ABLIM1: variants seen among roughly 807,000 people sequenced by gnomAD.
The protein encoded by ABLIM1 is actin binding LIM protein 1.
A neutral mutation model predicts 107.0 loss-of-function variants in ABLIM1; 40 were observed. The ratio of observed to expected loss-of-function variants is 0.37; its 90% CI spans 0.29 to 0.49. The LOEUF is 0.49. Among genes scored for constraint, ABLIM1 ranks in the 20% least tolerant of loss-of-function variants. The pLI is 0.97. For synonymous variants in ABLIM1, 357 were observed against 357.3 expected (o/e 1.00, Z 0.01); for missense variants, 857 against 1,008.5 (o/e 0.85, Z 2.04).
intron 1 of ABLIM1, among the ~76,000 whole-genome samples, chr10:114,651,402 G>T (rs11196832): frequency 0.082 from 12,413 of 152,114 alleles, 982 homozygotes; most frequent in East Asian, 0.44. Context: ...AGATCAGGCC[G>T]GCCCAGAGGA....
intron 6 of ABLIM1, among the ~76,000 whole-genome samples, chr10:114,526,455 T>TC (rs1341040847): frequency 6.6e-6 from 1 of 152,176 alleles, no homozygotes; most frequent in African/African-American, 2.4e-5. Flanking sequence ...GAACAAAAGC[T>TC]CCTGTCGTTT....
rs188505387 is a variant in ABLIM1 at position 114,559,886 on chromosome 10, T to C, written c.673+11411A>G. On this transcript the variant is annotated intron_variant, in intron 4 of 22. Coordinates refer to ENST00000533213, the MANE Select transcript of ABLIM1 (RefSeq NM_002313.7). ...CCTCTGCTCAAATTATGGCCAGCAATAGAGCAGAAGAAAAGCAGTAGAGAA... is the reference window on the plus strand; with the variant it reads ...CCTCTGCTCAAATTATGGCCAGCAACAGAGCAGAAGAAAAGCAGTAGAGAA... 1.9e-3 allele frequency among the ~76,000 whole-genome samples: 292 copies of C among 152,124 alleles called. 2 individuals carry two copies. Among genetic ancestry groups the C allele is most frequent in the African/African-American group, 6.7e-3 (276 of 41,472 alleles).
At chr10:114,699,265 G>A (rs981305442) in intron 1 of ABLIM1, among the ~76,000 whole-genome samples, 3 of 152,018 alleles carry the variant, frequency 2.0e-5, no homozygotes, top group African/African-American at 4.8e-5. Context: ...CTTTAATAAT[G>A]CTTAAACATG....
At chr10:114,639,162 C>T (rs1306693304) in intron 1 of ABLIM1, among the ~76,000 whole-genome samples, 1 of 152,160 alleles carries the variant, frequency 6.6e-6, no homozygotes, top group Non-Finnish European at 1.5e-5. Context: ...ATCGGAGGAA[C>T]TAGCCAAGTA....
Position 114,488,665 on chromosome 10 carries a change from T to C in ABLIM1, c.983-649A>G, listed in dbSNP as rs570689322. ...TAACTATTTAGGTGTTATTTTCTGTTCCTGAGTCAACAGTCTCACTTTCTC... is the reference window on the plus strand; with the variant it reads ...TAACTATTTAGGTGTTATTTTCTGTCCCTGAGTCAACAGTCTCACTTTCTC... On this transcript the variant is annotated intron_variant, in intron 7 of 22. Coordinates refer to ENST00000533213, the MANE Select transcript of ABLIM1 (RefSeq NM_002313.7). 3.3e-5 allele frequency among the ~76,000 whole-genome samples: 5 copies of C among 152,368 alleles called. No homozygotes were observed. The East Asian group carries it at 9.6e-4, about 29-fold the overall frequency.
chr10:114,690,487 G>C lies in ABLIM1; in HGVS notation c.-213+77574C>G. ...AACCCTGGAATAATTCTGTGAAAGC[G>C]GGAGCCCTTACAACCAAATCCTTTC... On this transcript the variant is annotated intron_variant, in intron 1 of 15. Transcript: ENST00000651092. 1.9e-6 allele frequency: 3 copies of C among 1,565,224 alleles called. No homozygotes were observed. In the South Asian group the frequency reaches 3.3e-5, roughly 17 times the overall value.
At chr10:114,645,716 C>G (rs574149302) in intron 1 of ABLIM1, among the ~76,000 whole-genome samples, 1 of 152,160 alleles carries the variant, frequency 6.6e-6, no homozygotes, top group Non-Finnish European at 1.5e-5. Flanking sequence ...ACACAGACTA[C>G]GCCAAAGTAC....
intron 14 of ABLIM1, among the ~76,000 whole-genome samples, chr10:114,449,389 C>A (rs531831815): frequency 6.6e-6 from 1 of 152,142 alleles, no homozygotes; most frequent in African/African-American, 2.4e-5. Context: ...TTTCGGGTAA[C>A]CTTCTGGGTC....
intron 1 of ABLIM1, among the ~76,000 whole-genome samples, chr10:114,680,002 C>T (rs2080675924): frequency 6.6e-6 from 1 of 152,110 alleles, no homozygotes; most frequent in African/African-American, 2.4e-5. Flanking sequence ...CAATGAAAGC[C>T]TATTCTTACA....
intron 1 of ABLIM1, among the ~76,000 whole-genome samples, chr10:114,741,171 C>T (rs2082279106): frequency 6.7e-6 from 1 of 150,252 alleles, no homozygotes; most frequent in South Asian, 2.1e-4. Flanking sequence ...ATTTACAAGT[C>T]ACCCTAAAGA....
At chr10:114,659,489 G>A (rs2079687101), upstream of ABLIM1, among the ~76,000 whole-genome samples, 1 of 152,104 alleles carries the variant, frequency 6.6e-6, no homozygotes, top group African/African-American at 2.4e-5. Context: ...TGTACTCCTA[G>A]GTGACCGGGC....
chr10:114,490,250 C>T (rs1040270018), intron 7 of ABLIM1, among the ~76,000 whole-genome samples: 1 of 152,160 alleles, frequency 6.6e-6, no homozygotes, highest in Admixed American at 6.5e-5. Context: ...TGTCACTTGC[C>T]TTCATAAGGC....
intron 6 of ABLIM1, among the ~76,000 whole-genome samples, chr10:114,504,477 T>C (rs2060859854): frequency 6.6e-6 from 1 of 152,210 alleles, no homozygotes; most frequent in African/African-American, 2.4e-5. Context: ...TTTCCTTCCA[T>C]AAATTATCAT....
intron 7 of ABLIM1, 106 bp from the exon 8 acceptor site, chr10:114,488,122 G>A: frequency 5.0e-6 from 6 of 1,205,402 alleles, no homozygotes; most frequent in Non-Finnish European, 7.4e-6. Context: ...CCCCATCATA[G>A]GAAGGTGTTA....
chr10:114,740,668 A>T (rs2082268063), intron 1 of ABLIM1, among the ~76,000 whole-genome samples: 1 of 152,156 alleles, frequency 6.6e-6, no homozygotes, highest in Non-Finnish European at 1.5e-5. Flanking sequence ...CAGTAATTTC[A>T]ATAGTATATA....
At chr10:114,736,897 T>C (rs2082191412) in intron 1 of ABLIM1, among the ~76,000 whole-genome samples, 1 of 152,118 alleles carries the variant, frequency 6.6e-6, no homozygotes, top group Non-Finnish European at 1.5e-5. Context: ...GATCAGAATT[T>C]GGGAGAATTG....
chr10:114,784,456 G>A, the ABLIM1 span, among the ~76,000 whole-genome samples: 1 of 151,804 alleles, frequency 6.6e-6, no homozygotes. Context: ...CTTGAGGTCA[G>A]GAGTTCAAAA....
intron 19 of ABLIM1, among the ~76,000 whole-genome samples, chr10:114,440,666 G>A (rs1463459700): frequency 1.3e-5 from 2 of 152,058 alleles, no homozygotes; most frequent in East Asian, 3.9e-4. Flanking sequence ...CCACTTTGTT[G>A]CCCAACCTAG....
At chr10:114,737,811 G>A (rs1488842808) in intron 1 of ABLIM1, among the ~76,000 whole-genome samples, 10 of 152,058 alleles carry the variant, frequency 6.6e-5, no homozygotes, top group Admixed American at 6.5e-4. Flanking sequence ...TTTCTCTCTT[G>A]CAGATTCACA....
Sources: allele counts gnomAD v4.1 joint callset (sites outside exome capture counted in the v4.1 genomes callset), GRCh38; gene constraint gnomAD v4.1.1; transcripts MANE v1.5; gene names NCBI Gene and HGNC (gene_info 2026-07-23, HGNC 2026-07-21).